The following SGCZ variants were observed in gnomAD, a reference collection of about 807,000 sequenced individuals.
SGCZ encodes the protein zeta-sarcoglycan.
Under a neutral mutation model 41.3 loss-of-function variants are expected in SGCZ, and 40 were observed. The ratio of observed to expected loss-of-function variants is 0.97; its 90% CI spans 0.75 to 1.26. SGCZ has a LOEUF of 1.26. Among genes scored for constraint, SGCZ ranks in the 50% most tolerant of loss-of-function variants. The pLI is 0.00. For synonymous variants in SGCZ, 206 were observed against 137.5 expected, an observed-to-expected ratio of 1.50 and a Z score of -3.49; for missense variants, 552 against 369.8, an observed-to-expected ratio of 1.49 and a Z score of -4.04.
In SGCZ at chr8:15,002,072, G is replaced by A. The variant is rs551757839; in HGVS notation, c.39+235513C>T. On this transcript the variant is annotated intron_variant, in intron 1 of 7. Transcript: ENST00000382080. ...TCAAAAATTGTTGCATAGAGTTGCC[G>A]TGAAAATGGCAGTCAAATGTGCTTT... Among the ~76,000 whole-genome samples, 8 of 152,212 alleles carry A rather than the reference G, an allele frequency of 5.3e-5. No homozygotes were observed. In the East Asian group the frequency reaches 7.7e-4, roughly 15 times the overall value.
intron 1 of SGCZ, among the ~76,000 whole-genome samples, chr8:15,032,637 G>A (rs1803717225): frequency 6.6e-6 from 1 of 152,136 alleles, no homozygotes. Flanking sequence ...CAGGCTCTAT[G>A]CTGCCCACAG....
chr8:14,191,118 A>T (rs563318760), intron 4 of SGCZ, among the ~76,000 whole-genome samples: 1 of 152,222 alleles, frequency 6.6e-6, no homozygotes, highest in East Asian at 1.9e-4. Flanking sequence ...CTTTTCATAT[A>T]TGTATGAGTC....
At chr8:14,324,845 T>A (rs1166933389) in intron 2 of SGCZ, among the ~76,000 whole-genome samples, 1 of 152,154 alleles carries the variant, frequency 6.6e-6, no homozygotes, top group African/African-American at 2.4e-5. Context: ...TCTGATAAGA[T>A]AGTAAACCAT....
chr8:15,189,150 A>G (rs1412535047), intron 1 of SGCZ, among the ~76,000 whole-genome samples: 3 of 152,132 alleles, frequency 2.0e-5, no homozygotes, highest in African/African-American at 7.2e-5. Flanking sequence ...ATCAATCTGC[A>G]TTTCCTTCAG....
intron 5 of SGCZ, among the ~76,000 whole-genome samples, chr8:14,158,539 C>T (rs747385820): frequency 1.3e-5 from 2 of 152,052 alleles, no homozygotes; most frequent in Admixed American, 6.6e-5. Flanking sequence ...AGGAACAATA[C>T]CTTGCATCCT....
At chr8:14,408,673 C>G (rs1307370681) in intron 2 of SGCZ, among the ~76,000 whole-genome samples, 5 of 152,126 alleles carry the variant, frequency 3.3e-5, no homozygotes, top group African/African-American at 1.2e-4. Context: ...TGTGAGTTAT[C>G]TCACCTGCCA....
At chr8:14,540,728 T>C (rs188722751) in intron 2 of SGCZ, among the ~76,000 whole-genome samples, 56 of 152,036 alleles carry the variant, frequency 3.7e-4, no homozygotes, top group African/African-American at 1.3e-3. Flanking sequence ...TAGTAGTCAT[T>C]TGTAAGGCGT....
At chr8:14,248,489 A>G (rs1012161944) in intron 3 of SGCZ, among the ~76,000 whole-genome samples, 12 of 152,160 alleles carry the variant, frequency 7.9e-5, no homozygotes, top group African/African-American at 1.9e-4. Context: ...CTAAGCCTCT[A>G]TTAAACTGGT....
intron 1 of SGCZ, among the ~76,000 whole-genome samples, chr8:15,206,762 T>C (rs558947771): frequency 2.6e-5 from 4 of 151,258 alleles, no homozygotes; most frequent in East Asian, 1.9e-4. Context: ...GAGTCTTTAA[T>C]GAGCAACTAA....
intron 1 of SGCZ, among the ~76,000 whole-genome samples, chr8:14,998,101 C>T (rs536874593): frequency 1.3e-5 from 2 of 152,286 alleles, no homozygotes; most frequent in African/African-American, 4.8e-5. Context: ...TAAAGTACTG[C>T]GTCTTTTTCA....
intron 1 of SGCZ, among the ~76,000 whole-genome samples, chr8:14,730,699 G>C (rs1810209900): frequency 6.6e-6 from 1 of 151,710 alleles, no homozygotes; most frequent in Admixed American, 6.6e-5. Context: ...GGGGACTGGG[G>C]CCAACATGTT....
At chr8:14,241,593 C>T (rs1024164687) in intron 3 of SGCZ, among the ~76,000 whole-genome samples, 12 of 150,310 alleles carry the variant, frequency 8.0e-5, no homozygotes, top group African/African-American at 1.7e-4. Context: ...GTTATTTTTC[C>T]TCCAAGCCAA....
At chr8:14,498,081 G>T (rs1012700590) in intron 2 of SGCZ, among the ~76,000 whole-genome samples, 5 of 151,980 alleles carry the variant, frequency 3.3e-5, no homozygotes, top group African/African-American at 1.2e-4. Context: ...TATCATATTG[G>T]GATTTTGGGG....
chr8:14,572,753 C>G (rs1287736721), intron 1 of SGCZ, among the ~76,000 whole-genome samples: 1 of 142,978 alleles, frequency 7.0e-6, no homozygotes, highest in Non-Finnish European at 1.6e-5. Flanking sequence ...TAGTAATGAA[C>G]AAGCTCCAAA....
intron 2 of SGCZ, among the ~76,000 whole-genome samples, chr8:14,542,882 G>C (rs922084886): frequency 6.6e-6 from 1 of 151,950 alleles, no homozygotes; most frequent in Non-Finnish European, 1.5e-5. Flanking sequence ...AGTATCCAAT[G>C]AGTTAGCTAC....
At chr8:14,724,661 T>A (rs1006737369) in intron 1 of SGCZ, among the ~76,000 whole-genome samples, 10 of 147,818 alleles carry the variant, frequency 6.8e-5, no homozygotes, top group African/African-American at 2.5e-4. Flanking sequence ...CACCTACAGA[T>A]TATAAATAAA....
intron 1 of SGCZ, among the ~76,000 whole-genome samples, chr8:14,796,651 T>A (rs1448536484): frequency 6.6e-6 from 1 of 152,190 alleles, no homozygotes; most frequent in Admixed American, 6.5e-5. Flanking sequence ...TCTACTTATT[T>A]TGAGAATGAA....
At chr8:14,904,949 C>A (rs117929704) in intron 1 of SGCZ, among the ~76,000 whole-genome samples, 2,510 of 151,962 alleles carry the variant, frequency 0.017, 102 homozygotes, top group Admixed American at 0.096. Flanking sequence ...AATATGTATT[C>A]ATATAATGTA....
chr8:14,373,772 C>A (rs1007559809), intron 2 of SGCZ, among the ~76,000 whole-genome samples: 1 of 151,854 alleles, frequency 6.6e-6, no homozygotes, highest in South Asian at 2.1e-4. Context: ...GGTAGGTTTA[C>A]GGAAATCTTT....
Sources: allele counts gnomAD v4.1 joint callset (sites outside exome capture counted in the v4.1 genomes callset), GRCh38; gene constraint gnomAD v4.1.1; transcripts MANE v1.5; gene names NCBI Gene and HGNC (gene_info 2026-07-23, HGNC 2026-07-21).